The following CCDC178 variants were observed in gnomAD, a reference collection of about 807,000 sequenced individuals.
CCDC178 encodes coiled-coil domain-containing protein 178.
CCDC178 carries 126 observed loss-of-function variants against 117.4 expected under a neutral mutation model. That is an observed-to-expected ratio of 1.07 (90% CI 0.93 to 1.24). The LOEUF is 1.24. Among genes scored for constraint, CCDC178 ranks in the 50% most tolerant of loss-of-function variants. CCDC178 has a pLI of 0.00. For synonymous variants in CCDC178, 283 were observed against 313.4 expected (o/e 0.90, Z 1.02); for missense variants, 1,030 against 986.9 (o/e 1.04, Z -0.59).
chr18:33,347,637 T>A (rs1449339021), intron 8 of CCDC178, among the ~76,000 whole-genome samples: 2 of 152,150 alleles, frequency 1.3e-5, no homozygotes, highest in African/African-American at 4.8e-5. Context: ...AGCCAATTTG[T>A]GATTCATATC....
At chr18:33,020,103 A>G (rs1432421438) in intron 21 of CCDC178, among the ~76,000 whole-genome samples, 1 of 148,762 alleles carries the variant, frequency 6.7e-6, no homozygotes, top group African/African-American at 2.5e-5. Flanking sequence ...CTGCCACCAC[A>G]ACCGGATAAT....
At chr18:33,052,980 G>A (rs1345469118) in intron 21 of CCDC178, among the ~76,000 whole-genome samples, 1 of 152,250 alleles carries the variant, frequency 6.6e-6, no homozygotes, top group South Asian at 2.1e-4. Context: ...TGGACAAATA[G>A]AGATTAATGC....
intron 20 of CCDC178, among the ~76,000 whole-genome samples, chr18:33,191,378 C>T (rs1023575710): frequency 2.0e-4 from 31 of 152,108 alleles, no homozygotes; most frequent in African/African-American, 6.7e-4. Flanking sequence ...AAAAAACTAT[C>T]CCATATATTT....
intron 21 of CCDC178, among the ~76,000 whole-genome samples, chr18:33,091,349 T>TTTTTTTTTTTTTG (rs2057462209): frequency 1.7e-5 from 2 of 120,150 alleles, no homozygotes; most frequent in African/African-American, 3.4e-5. Context: ...TTTTTTTTTT[T>TTTTTTTTTTTTTG]TTTTTGAGAC....
At chr18:33,056,239 G>T (rs2056827978) in intron 21 of CCDC178, among the ~76,000 whole-genome samples, 1 of 152,188 alleles carries the variant, frequency 6.6e-6, no homozygotes, top group Admixed American at 6.5e-5. Context: ...GGGGAGAGAA[G>T]GGATGAGCAG....
chr18:33,267,016 T>A lies in CCDC178; in HGVS notation c.1309A>T (p.Lys437Ter), dbSNP rs759069736. ...GCCAAAGAAATAGCTGAAAAATCTTTTGCAACATCAGAAAGCTCAATATCC... is the reference window on the plus strand; with the variant it reads ...GCCAAAGAAATAGCTGAAAAATCTTATGCAACATCAGAAAGCTCAATATCC... ...TWDIELSDVA[K>*]DFSAISLACT... Residue 437 changes from lysine to a stop codon, truncating the protein, a stop_gained, in exon 14 of 23, where the codon AAA becomes TAA. Coordinates refer to ENST00000383096, the MANE Select transcript of CCDC178 (RefSeq NM_001105528.4). LOFTEE classifies it high-confidence loss of function. The A allele has an allele frequency of 5.0e-6, 8 of 1,600,532 alleles. No homozygotes were observed. In the East Asian group the frequency reaches 1.6e-4, roughly 31 times the overall value.
intron 11 of CCDC178, among the ~76,000 whole-genome samples, chr18:33,297,746 A>G (rs1389363310): frequency 6.6e-6 from 1 of 152,166 alleles, no homozygotes; most frequent in Non-Finnish European, 1.5e-5. Context: ...TGAACCTTTA[A>G]AGAAGAAACA....
At chr18:33,132,613 G>A (rs2058079277) in intron 20 of CCDC178, among the ~76,000 whole-genome samples, 2 of 151,644 alleles carry the variant, frequency 1.3e-5, no homozygotes, top group African/African-American at 4.8e-5. Context: ...CATGAAAAAT[G>A]AGGTGTTGGC....
intron 12 of CCDC178, among the ~76,000 whole-genome samples, chr18:33,291,416 C>A (rs2060164707): frequency 6.6e-6 from 1 of 151,928 alleles, no homozygotes; most frequent in Non-Finnish European, 1.5e-5. Context: ...AGCAGGTTTT[C>A]ACAGAAAAGG....
intron 21 of CCDC178, among the ~76,000 whole-genome samples, chr18:33,069,548 G>A (rs140352394): frequency 1.4e-3 from 220 of 152,160 alleles, no homozygotes; most frequent in African/African-American, 5.1e-3. Flanking sequence ...AGACTTAAAT[G>A]TATACCTAAT....
chr18:33,282,934 C>A (rs1033557036), intron 12 of CCDC178, among the ~76,000 whole-genome samples: 6 of 152,164 alleles, frequency 3.9e-5, no homozygotes, highest in African/African-American at 1.4e-4. Flanking sequence ...CCCAGACCTG[C>A]CCAGACCAGC....
At chr18:33,212,366 T>C (rs987471283) in intron 19 of CCDC178, among the ~76,000 whole-genome samples, 1 of 152,018 alleles carries the variant, frequency 6.6e-6, no homozygotes, top group Non-Finnish European at 1.5e-5. Flanking sequence ...AACCAGCATA[T>C]GACCCATTGT....
At chr18:33,151,495 T>C (rs1180377238) in intron 20 of CCDC178, among the ~76,000 whole-genome samples, 1 of 151,570 alleles carries the variant, frequency 6.6e-6, no homozygotes, top group East Asian at 1.9e-4. Flanking sequence ...AACGAAGTTA[T>C]AGTTAACATT....
intron 3 of CCDC178, 45 bp from the exon 4 acceptor site, chr18:33,397,253 G>A (rs965299605): frequency 7.5e-7 from 1 of 1,333,396 alleles, no homozygotes; most frequent in Non-Finnish European, 1.1e-6. Context: ...TGCTTCCTGA[G>A]TCAAATATTC....
At chr18:33,129,001 G>C (rs2144247572) in intron 20 of CCDC178, among the ~76,000 whole-genome samples, 1 of 152,208 alleles carries the variant, frequency 6.6e-6, no homozygotes, top group Admixed American at 6.6e-5. Flanking sequence ...ACCGTTATGA[G>C]ATAGTTAAGA....
At chr18:33,319,104 C>T (rs1485861090) in intron 11 of CCDC178, among the ~76,000 whole-genome samples, 11 of 152,010 alleles carry the variant, frequency 7.2e-5, no homozygotes, top group African/African-American at 1.9e-4. Context: ...AGGTTTCTTA[C>T]ATATGTATAC....
intron 20 of CCDC178, among the ~76,000 whole-genome samples, chr18:33,151,697 A>G (rs1158979388): frequency 6.6e-6 from 1 of 152,210 alleles, no homozygotes; most frequent in Admixed American, 6.5e-5. Context: ...TCATTTCTGT[A>G]TCTGTCAAAT....
intron 20 of CCDC178, among the ~76,000 whole-genome samples, chr18:33,144,006 T>C (rs923644050): frequency 6.6e-6 from 1 of 152,106 alleles, no homozygotes; most frequent in South Asian, 2.1e-4. Flanking sequence ...AAATTTACTT[T>C]ACTGCACCAC....
chr18:33,112,555 G>T (rs1461546258), intron 20 of CCDC178, among the ~76,000 whole-genome samples: 2 of 151,812 alleles, frequency 1.3e-5, no homozygotes, highest in Admixed American at 6.6e-5. Flanking sequence ...CCTGCTGATA[G>T]AATTTCAAAG....
Sources: allele counts gnomAD v4.1 joint callset (sites outside exome capture counted in the v4.1 genomes callset), GRCh38; gene constraint gnomAD v4.1.1; transcripts MANE v1.5; gene names NCBI Gene and HGNC (gene_info 2026-07-23, HGNC 2026-07-21).